DNAI4: variants seen among roughly 807,000 people sequenced by gnomAD.
DNAI4 encodes the protein dynein axonemal intermediate chain 4.
Under a neutral mutation model 105.8 loss-of-function variants are expected in DNAI4, and 85 were observed. That is an observed-to-expected ratio of 0.80 (90% CI 0.67 to 0.96). The LOEUF (loss-of-function observed/expected upper bound fraction) is 0.96. Among genes scored for constraint, DNAI4 ranks in the 40% least tolerant of loss-of-function variants. The pLI is 0.00. For missense variants in DNAI4, 1,014 were observed against 1,005.6 expected, an observed-to-expected ratio of 1.01 and a Z score of -0.11; for synonymous variants, 352 against 331.5, an observed-to-expected ratio of 1.06 and a Z score of -0.67.
At position 66,891,743 on chromosome 1, in the gene DNAI4, C is replaced by T. The variant is rs184078807; in HGVS notation, c.531-477G>A. Among the ~76,000 whole-genome samples, 441 of 152,262 alleles carry T rather than the reference C, an allele frequency of 2.9e-3. 1 individual carries two copies. The highest frequency in any genetic ancestry group is 0.01 in the Middle Eastern group (3 of 294). ...CCTCCCAAAGTGCTGTGATTACAGGCGTGAACCACCGCACCCAGCCAAAAT... is the reference window on the plus strand; with the variant it reads ...CCTCCCAAAGTGCTGTGATTACAGGTGTGAACCACCGCACCCAGCCAAAAT... On this transcript the variant is annotated intron_variant, in intron 3 of 16. Coordinates refer to ENST00000371026, the MANE Select transcript of DNAI4 (RefSeq NM_024763.5).
At chr1:66,902,688 G>A (rs1434516681) in intron 2 of DNAI4, among the ~76,000 whole-genome samples, 1 of 152,072 alleles carries the variant, frequency 6.6e-6, no homozygotes, top group Admixed American at 6.6e-5. Context: ...TCTTATTTGG[G>A]GTCTTTGATC....
At position 66,863,834 on chromosome 1, in the gene DNAI4, A is replaced by G. The variant is rs79238411; in HGVS notation, c.941-1532T>C. Among the ~76,000 whole-genome samples the G allele has an allele frequency of 9.5e-3, 1,447 of 152,308 alleles. 14 individuals carry two copies. The highest frequency in any genetic ancestry group is 0.033 in the African/African-American group (1,373 of 41,572). ...GAACTTATCATAAGGCCATCTAACA[A>G]AGTCATGCACAGAATACCTAGTATA... On this transcript the variant is annotated intron_variant, in intron 6 of 16. Transcript: ENST00000371026.
intron 4 of DNAI4, among the ~76,000 whole-genome samples, chr1:66,876,986 G>A (rs1322036098): frequency 1.3e-5 from 2 of 152,072 alleles, no homozygotes; most frequent in Non-Finnish European, 2.9e-5. Context: ...AAATGTGAGG[G>A]TTTAACAGGG....
At chr1:66,840,746 T>A in intron 8 of DNAI4, 75 bp from the exon 9 acceptor site, 1 of 1,463,700 alleles carries the variant, frequency 6.8e-7, no homozygotes, top group African/African-American at 1.4e-5. Context: ...AAACAGCATA[T>A]CTACCCACCA....
At chr1:66,849,271 G>C (rs1646343825) in intron 7 of DNAI4, among the ~76,000 whole-genome samples, 1 of 151,374 alleles carries the variant, frequency 6.6e-6, no homozygotes, top group Non-Finnish European at 1.5e-5. Flanking sequence ...TCCTAGCCAT[G>C]GTGTTGTCAA....
At chr1:66,922,847 G>A (rs1248376926) in intron 1 of DNAI4, among the ~76,000 whole-genome samples, 1 of 152,202 alleles carries the variant, frequency 6.6e-6, no homozygotes, top group Non-Finnish European at 1.5e-5. Context: ...TAACTTATAA[G>A]TGCAGGTGTT....
At chr1:66,860,561 A>T (rs1646604691) in intron 7 of DNAI4, among the ~76,000 whole-genome samples, 1 of 151,976 alleles carries the variant, frequency 6.6e-6, no homozygotes, top group South Asian at 2.1e-4. Context: ...ACTGGCTATA[A>T]TAGTAAAATA....
chr1:66,919,098 A>G (rs1186759534), intron 1 of DNAI4: 1 of 444,338 alleles, frequency 2.3e-6, no homozygotes, highest in Non-Finnish European at 4.5e-6. Flanking sequence ...ACATATATTG[A>G]TTGATGTCTC....
At chr1:66,875,204 C>A (rs1557947735) in intron 4 of DNAI4, among the ~76,000 whole-genome samples, 1 of 152,096 alleles carries the variant, frequency 6.6e-6, no homozygotes, top group Non-Finnish European at 1.5e-5. Context: ...TCCATTATAA[C>A]TATCCCACAA....
In DNAI4 at chr1:66,902,783, G is replaced by A. The variant is rs1648930336; in HGVS notation, c.345+2418C>T. Among the ~76,000 whole-genome samples the A allele has an allele frequency of 2.0e-5, 3 of 152,208 alleles. No homozygotes were observed. The South Asian group carries it at 6.2e-4, about 32-fold the overall frequency. On this transcript the variant is annotated intron_variant, in intron 2 of 16. Coordinates refer to ENST00000371026, the MANE Select transcript of DNAI4 (RefSeq NM_024763.5). ...TGTGGATATCCAGTTGTCCCAACAAGATTTGTTGACAAAACTGTCTTTTCT... is the reference window on the plus strand; with the variant it reads ...TGTGGATATCCAGTTGTCCCAACAAAATTTGTTGACAAAACTGTCTTTTCT...
chr1:66,914,643 A>G (rs746354790), intron 1 of DNAI4, among the ~76,000 whole-genome samples: 1 of 152,086 alleles, frequency 6.6e-6, no homozygotes, highest in East Asian at 1.9e-4. Context: ...ATTTAAGGCT[A>G]TTTAGCTGAC....
intron 16 of DNAI4, among the ~76,000 whole-genome samples, chr1:66,814,648 G>A (rs1026930390): frequency 3.9e-5 from 6 of 152,130 alleles, no homozygotes; most frequent in African/African-American, 4.8e-5. Flanking sequence ...GATTACATGC[G>A]TGAGCCACCG....
At chr1:66,818,201 T>TTGTAAATTTGGTAAA (rs1557890918) in intron 16 of DNAI4, among the ~76,000 whole-genome samples, 4 of 152,054 alleles carry the variant, frequency 2.6e-5, no homozygotes, top group African/African-American at 9.6e-5. Context: ...GTAATTGATT[T>TTGTAAATTTGGTAAA]AGACTTACAA....
At chr1:66,862,672 T>C (rs1646653136) in intron 6 of DNAI4, among the ~76,000 whole-genome samples, 1 of 152,244 alleles carries the variant, frequency 6.6e-6, no homozygotes, top group African/African-American at 2.4e-5. Flanking sequence ...ATCATGAGGA[T>C]ACCTCAAGAG....
chr1:66,864,088 CTT>C (rs1201213885), intron 6 of DNAI4, among the ~76,000 whole-genome samples: 1 of 152,162 alleles, frequency 6.6e-6, no homozygotes, highest in Non-Finnish European at 1.5e-5. Flanking sequence ...AAAGTTGACT[CTT>C]ATTTGTAGAT....
chr1:66,898,560 C>T (rs899957277), intron 2 of DNAI4, among the ~76,000 whole-genome samples: 9 of 152,130 alleles, frequency 5.9e-5, no homozygotes, highest in Non-Finnish European at 1.3e-4. Context: ...AAGTCAGTTT[C>T]TCCATCTCTT....
intron 11 of DNAI4, among the ~76,000 whole-genome samples, chr1:66,835,127 A>G (rs1332382242): frequency 6.6e-6 from 1 of 152,146 alleles, no homozygotes; most frequent in African/African-American, 2.4e-5. Context: ...GTTATATGAC[A>G]TGCTGATGAC....
At chr1:66,903,164 A>G (rs1648964443) in intron 2 of DNAI4, among the ~76,000 whole-genome samples, 1 of 152,152 alleles carries the variant, frequency 6.6e-6, no homozygotes. Flanking sequence ...ACGCCTTCCA[A>G]TCTATGAACA....
At position 66,890,604 on chromosome 1, in the gene DNAI4, A is replaced by T. The variant is rs1359078707; in HGVS notation, c.643+550T>A. The T allele has an allele frequency of 1.1e-5, 2 of 178,096 alleles. No homozygotes were observed. Among genetic ancestry groups the T allele is most frequent in the East Asian group, 3.5e-4 (2 of 5,676 alleles). 11.0% of individuals were successfully genotyped at this position (178,096 alleles called of 1,614,324 possible). ...ACAGAGCAAGACTCTGTCTCAAAATAAAAAAAAAGAGGAAAGAAGAAAGAA... is the reference window on the plus strand; with the variant it reads ...ACAGAGCAAGACTCTGTCTCAAAATTAAAAAAAAGAGGAAAGAAGAAAGAA... On this transcript the variant is annotated intron_variant, in intron 4 of 16. Coordinates refer to ENST00000371026, the MANE Select transcript of DNAI4 (RefSeq NM_024763.5). The surrounding 1 kb of genome is among the most constrained non-coding windows in gnomAD (Gnocchi z 4.1).
Sources: gnomAD v4.1 joint callset for allele counts (sites outside exome capture counted in the v4.1 genomes callset) on GRCh38, gnomAD v4.1.1 for gene constraint, Gnocchi (gnomAD v3.1) non-coding constraint, MANE v1.5 for transcripts, NCBI Gene and HGNC (gene_info 2026-07-23, HGNC 2026-07-21) for gene names.